LAP3: variants seen among roughly 807,000 people sequenced by gnomAD.
LAP3 encodes the protein leucine aminopeptidase 3, also known as cytosol aminopeptidase.
A neutral mutation model predicts 58.8 loss-of-function variants in LAP3; 46 were observed. That is an observed-to-expected ratio of 0.78 (90% CI 0.62 to 1.00). LAP3 has a LOEUF of 1.00. Among genes scored for constraint, LAP3 ranks in the 50% least tolerant of loss-of-function variants. LAP3 has a pLI of 0.00. For missense variants in LAP3, 615 were observed against 659.1 expected (o/e 0.93, Z 0.73); for synonymous variants, 257 against 237.7 (o/e 1.08, Z -0.75).
intron 6 of LAP3, chr4:17,585,366 C>A: frequency 5.7e-6 from 2 of 349,410 alleles, no homozygotes; most frequent in Non-Finnish European, 1.1e-5. Flanking sequence ...GTGTATATTT[C>A]ATAACTGTGT....
chr4:17,577,635 G>T (rs1261051047), intron 1 of LAP3, 68 bp downstream of exon 1: 31 of 1,249,480 alleles, frequency 2.5e-5, no homozygotes, highest in African/African-American at 6.3e-5. Context: ...GGGCTGCGGG[G>T]CTGGTCGAAG....
chr4:17,599,984 A>G (rs1390446790), intron 10 of LAP3, among the ~76,000 whole-genome samples: 1 of 152,140 alleles, frequency 6.6e-6, no homozygotes, highest in Non-Finnish European at 1.5e-5. Context: ...TCTTTAATAC[A>G]GGCTGTGACA....
At position 17,577,514 on chromosome 4, in the gene LAP3, C is replaced by T. The variant is rs149762015; in HGVS notation, c.49C>T (p.Leu17=). 10 of 1,587,400 alleles carry T rather than the reference C, an allele frequency of 6.3e-6. No individual in the cohort carries two copies. The African/African-American group carries it at 1.1e-4, about 17-fold the overall frequency. Residue 17 remains leucine, a synonymous_variant, in exon 1 of 13, where the codon CTG becomes TTG. Transcript: ENST00000226299. The part of the protein sequence containing the change: ...PAAGRVVVRR[L]AVRRFGSRSL... Reference sequence around the variant, plus strand: ...TGCGGGGCGAGTAGTCGTCCGACGTCTGGCCGTGAGACGTTTCGGGAGCCG... The same window carrying T: ...TGCGGGGCGAGTAGTCGTCCGACGTTTGGCCGTGAGACGTTTCGGGAGCCG...
At position 17,607,856 on chromosome 4, in the gene LAP3, A is replaced by G. The variant is rs1364301374; in HGVS notation, c.*267A>G. On this transcript the variant is annotated 3_prime_UTR_variant, in exon 13 of 13. Coordinates refer to ENST00000226299, the MANE Select transcript of LAP3 (RefSeq NM_015907.3). ...GAACTTCCTAATCACTTTTCAGAGT[A>G]TATGTTTTTCATTGAGAAGCAAAAT... 2 of 271,860 alleles carry G rather than the reference A, an allele frequency of 7.4e-6. No homozygotes were observed. The highest frequency in any genetic ancestry group is 1.4e-5 in the Non-Finnish European group (2 of 145,208). 16.8% of individuals were successfully genotyped at this position (271,860 alleles called of 1,614,324 possible).
At chr4:17,597,219 G>T in intron 9 of LAP3, 85 bp downstream of exon 9, 1 of 1,098,960 alleles carries the variant, frequency 9.1e-7, no homozygotes, top group South Asian at 1.3e-5. Context: ...TAGGATGCGT[G>T]CAGAGCCCCA....
intron 7 of LAP3, among the ~76,000 whole-genome samples, chr4:17,591,805 C>T (rs1288468611): frequency 2.6e-5 from 4 of 152,146 alleles, no homozygotes; most frequent in Non-Finnish European, 5.9e-5. Flanking sequence ...GAGAGGTACA[C>T]AGAAGCTTGG....
In LAP3 at chr4:17,577,503, T is replaced by G; in HGVS notation, c.38T>G (p.Val13Gly). Residue 13 changes from valine (V) to glycine (G), a missense_variant, in exon 1 of 13, where the codon GTC becomes GGC. Transcript: ENST00000226299. ...LLPLPAAGRV[V>G]VRRLAVRRFG... The stretch of plus-strand genomic sequence containing the variant: ...CCTCTTCCGGCTGCGGGGCGAGTAG[T>G]CGTCCGACGTCTGGCCGTGAGACGT... 2 of 1,584,926 alleles carry G rather than the reference T, an allele frequency of 1.3e-6. No homozygotes were observed. Among genetic ancestry groups the G allele is most frequent in the Non-Finnish European group, 1.7e-6 (2 of 1,167,472 alleles).
chr4:17,593,182 G>A (rs1387864367), intron 7 of LAP3, among the ~76,000 whole-genome samples: 2 of 152,208 alleles, frequency 1.3e-5, no homozygotes, highest in Non-Finnish European at 2.9e-5. Context: ...CCTTTTTATA[G>A]GAGTGTTGGC....
chr4:17,597,016 CTGTGTGCCTTCA>C lies in LAP3; in HGVS notation c.989-28_989-17del, dbSNP rs771570334. 6.2e-7 allele frequency: 1 copy of C among 1,607,426 alleles called. No homozygotes were observed. Among genetic ancestry groups the C allele is most frequent in the East Asian group, 2.2e-5 (1 of 44,846 alleles). On this transcript the variant is annotated intron_variant, in intron 8 of 12. Coordinates refer to ENST00000226299, the MANE Select transcript of LAP3 (RefSeq NM_015907.3). ...GTGGCATGTTTGGACCCAGTATATA[CTGTGTGCCTTCA>C]TATATTATTTCCAATAGGTCTGGCC...
chr4:17,606,751 T>A (rs576903533), intron 11 of LAP3, 78 bp from the exon 12 acceptor site: 1 of 813,940 alleles, frequency 1.2e-6, no homozygotes, highest in African/African-American at 1.7e-5. Context: ...TCTTCCTTCA[T>A]GCATTGAGCA....
In LAP3 at chr4:17,597,078, G is replaced by A. The variant is rs1006995554; in HGVS notation, c.1021G>A (p.Gly341Ser). The change falls in exon 9 of 13, where the codon GGC becomes AGC. Residue 341 changes from glycine (G) to serine (S), a missense_variant. Gly to Ser is a moderately conservative substitution (Grantham distance 56). Transcript: ENST00000226299. ...CCCTCTTTGTGAAAATATGCCCAGC[G>A]GCAAGGCCAACAAGCCGGGGGATGT... ...LAPLCENMPSGKANKPGDVVR... is the reference protein window; with the variant it reads ...LAPLCENMPSSKANKPGDVVR... The A allele has an allele frequency of 1.5e-5, 24 of 1,614,070 alleles. No homozygotes were observed. The highest frequency in any genetic ancestry group is 4.4e-5 in the South Asian group (4 of 91,088).
chr4:17,585,788 C>T (rs1713497895), intron 6 of LAP3: 1 of 152,250 alleles, frequency 6.6e-6, no homozygotes, highest in Non-Finnish European at 1.5e-5. Context: ...TTTCATAACC[C>T]CCAAAGGAAA....
chr4:17,605,650 A>G (rs1299613227), intron 11 of LAP3, among the ~76,000 whole-genome samples: 1 of 152,092 alleles, frequency 6.6e-6, no homozygotes, highest in Non-Finnish European at 1.5e-5. Flanking sequence ...ATATGTCATC[A>G]TTCACGAAGC....
At chr4:17,596,230 A>G (rs1017791299) in intron 8 of LAP3, among the ~76,000 whole-genome samples, 1 of 152,190 alleles carries the variant, frequency 6.6e-6, no homozygotes, top group African/African-American at 2.4e-5. Flanking sequence ...AGGACATTCT[A>G]TGTAATGACA....
intron 5 of LAP3, 115 bp from the exon 6 acceptor site, chr4:17,584,857 T>C (rs1374150112): frequency 1.4e-5 from 14 of 1,025,934 alleles, no homozygotes; most frequent in Non-Finnish European, 1.7e-5. Context: ...GCCAATTGTT[T>C]TTGATTTGTA....
At position 17,581,740 on chromosome 4, in the gene LAP3, A is replaced by G; in HGVS notation, c.219-20A>G. ...CGAGCAAAATACTTGTTTTAAAACG[A>G]CTATTTCCTCTTGTTTTAGATCTGG... On this transcript the variant is annotated intron_variant, in intron 2 of 12. Transcript: ENST00000226299. 7 of 1,609,544 alleles carry G rather than the reference A, an allele frequency of 4.3e-6. No homozygotes were observed. The highest frequency in any genetic ancestry group is 6.0e-6 in the Non-Finnish European group (7 of 1,176,270).
chr4:17,603,489 CT>C (rs1271806135), intron 10 of LAP3, among the ~76,000 whole-genome samples: 1 of 148,260 alleles, frequency 6.7e-6, no homozygotes, highest in African/African-American at 2.5e-5. Context: ...GAGACCCCAT[CT>C]CTACAGCAAG....
rs1179217257 is a variant in LAP3 at position 17,581,783 on chromosome 4, G to A, written c.242G>A (p.Gly81Glu). The change falls in exon 3 of 13, where the codon GGG becomes GAG. Residue 81 changes from glycine to glutamate, a missense_variant. By Grantham distance (98) the Gly-to-Glu change is moderately conservative. Coordinates refer to ENST00000226299, the MANE Select transcript of LAP3 (RefSeq NM_015907.3). Reference sequence around the variant, plus strand: ...AGATCTGGACCACCTCTGAAGGCAGGGAAGACTCGAACCTTTTATGGTCTG... The same window carrying A: ...AGATCTGGACCACCTCTGAAGGCAGAGAAGACTCGAACCTTTTATGGTCTG... ...LNISGPPLKAGKTRTFYGLHQ... is the reference protein window; with the variant it reads ...LNISGPPLKAEKTRTFYGLHQ... The A allele has an allele frequency of 1.2e-6, 2 of 1,613,766 alleles. No homozygotes were observed. The highest frequency in any genetic ancestry group is 1.3e-5 in the African/African-American group (1 of 74,890).
At chr4:17,594,568 G>A (rs188686405) in intron 7 of LAP3, among the ~76,000 whole-genome samples, 141 of 152,336 alleles carry the variant, frequency 9.3e-4, no homozygotes, top group African/African-American at 2.8e-3. Context: ...GACTCCTACG[G>A]ACTGGAAGCA....
Sources: allele counts gnomAD v4.1 joint callset (sites outside exome capture counted in the v4.1 genomes callset), GRCh38; gene constraint gnomAD v4.1.1; transcripts MANE v1.5; gene names NCBI Gene and HGNC (gene_info 2026-07-23, HGNC 2026-07-21).